Variants in THSD7A observed in about 807,000 individuals in gnomAD.
The protein encoded by THSD7A is thrombospondin type 1 domain containing 7A, also known as thrombospondin type-1 domain-containing protein 7A.
In THSD7A, 96 loss-of-function variants were observed where a neutral mutation model predicts 231.3. That is an observed-to-expected ratio of 0.41 (90% CI 0.35 to 0.49). The LOEUF (loss-of-function observed/expected upper bound fraction) is 0.49, where lower values mean the gene tolerates loss of function less well. THSD7A is among the 20% of genes least tolerant of loss of function. THSD7A has a pLI of 0.05. For missense variants in THSD7A, 2,290 were observed against 2,070.2 expected, an observed-to-expected ratio of 1.11 and a Z score of -2.06; for synonymous variants, 940 against 743.3, an observed-to-expected ratio of 1.26 and a Z score of -4.30.
chr7:11,424,584 G>T, intron 16 of THSD7A, 112 bp downstream of exon 16: 1 of 1,460,048 alleles, frequency 6.8e-7, no homozygotes, highest in Non-Finnish European at 9.3e-7. Context: ...AAGCAAAACT[G>T]CAGACAATTT....
intron 1 of THSD7A, among the ~76,000 whole-genome samples, chr7:11,649,763 A>G (rs1218172238): frequency 6.6e-6 from 1 of 152,090 alleles, no homozygotes; most frequent in African/African-American, 2.4e-5. Flanking sequence ...TCGAAATTAT[A>G]TCCAATTAAC....
At chr7:11,524,784 G>A (rs1788406648) in intron 6 of THSD7A, among the ~76,000 whole-genome samples, 1 of 152,128 alleles carries the variant, frequency 6.6e-6, no homozygotes, top group Non-Finnish European at 1.5e-5. Context: ...GGTAAAAGTG[G>A]AAAGAAATCA....
chr7:11,729,434 T>TA (rs1187944642), intron 1 of THSD7A, among the ~76,000 whole-genome samples: 3 of 151,678 alleles, frequency 2.0e-5, no homozygotes, highest in Non-Finnish European at 1.5e-5. Flanking sequence ...TCCTGGACAA[T>TA]AAATGCAGGA....
At chr7:11,591,656 GGGGATTTGTTGCTTAACGAATTGT>G (rs1223422918) in intron 3 of THSD7A, among the ~76,000 whole-genome samples, 1 of 152,090 alleles carries the variant, frequency 6.6e-6, no homozygotes. Flanking sequence ...TTTTATAAGT[GGGGATTTGTTGCTTAACGAATTGT>G]GGGACTGGGT....
At chr7:11,455,224 G>A (rs1307110615) in intron 11 of THSD7A, among the ~76,000 whole-genome samples, 1 of 151,954 alleles carries the variant, frequency 6.6e-6, no homozygotes, top group Non-Finnish European at 1.5e-5. Context: ...CAAATTGGCT[G>A]GCACCTTGAC....
rs908516470 is a variant in THSD7A, at chr7:11,375,749, G to A, written c.*45C>T. 2 of 1,524,980 alleles carry A rather than the reference G, an allele frequency of 1.3e-6. No individual in the cohort carries two copies. The highest frequency in any genetic ancestry group is 1.8e-6 in the Non-Finnish European group (2 of 1,101,562). 94.5% of individuals were successfully genotyped at this position (1,524,980 alleles called of 1,614,324 possible). On this transcript the variant is annotated 3_prime_UTR_variant, in exon 28 of 28. Coordinates refer to ENST00000423059, the MANE Select transcript of THSD7A (RefSeq NM_015204.3). ...TTTGTTGTGGCCTCTGGACATCTATGAAGTCAGAAAGCCGAAACTGGTTGT... is the reference window on the plus strand; with the variant it reads ...TTTGTTGTGGCCTCTGGACATCTATAAAGTCAGAAAGCCGAAACTGGTTGT...
chr7:11,806,915 A>G (rs1335040666), intron 1 of THSD7A, among the ~76,000 whole-genome samples: 2 of 152,010 alleles, frequency 1.3e-5, no homozygotes, highest in East Asian at 1.9e-4. Context: ...CTCAGACCTC[A>G]AGTATAATTT....
intron 4 of THSD7A, among the ~76,000 whole-genome samples, chr7:11,561,337 A>C (rs1426307489): frequency 1.3e-5 from 2 of 152,204 alleles, no homozygotes; most frequent in East Asian, 3.8e-4. Context: ...ATCACATATC[A>C]AACCTAGTGG....
At chr7:11,416,232 T>A (rs753633388) in intron 17 of THSD7A, among the ~76,000 whole-genome samples, 1 of 152,224 alleles carries the variant, frequency 6.6e-6, no homozygotes, top group African/African-American at 2.4e-5. Context: ...TCCTTGATCA[T>A]TTAATATAGA....
chr7:11,510,816 T>C (rs1787775939), intron 6 of THSD7A, among the ~76,000 whole-genome samples: 1 of 152,070 alleles, frequency 6.6e-6, no homozygotes, highest in Admixed American at 6.5e-5. Flanking sequence ...ACAGCCAATA[T>C]GGGTCTGTCA....
intron 1 of THSD7A, among the ~76,000 whole-genome samples, chr7:11,708,890 C>T (rs1376054860): frequency 6.6e-6 from 1 of 150,616 alleles, no homozygotes; most frequent in Non-Finnish European, 1.5e-5. Context: ...AGACACTGTA[C>T]ATGGGCAAAT....
chr7:11,400,750 T>G (rs368109625), intron 23 of THSD7A, among the ~76,000 whole-genome samples: 4 of 152,220 alleles, frequency 2.6e-5, no homozygotes, highest in African/African-American at 9.6e-5. Flanking sequence ...ACTGCAAGTA[T>G]TCTTTTCCAA....
At chr7:11,780,314 T>A (rs1279012449) in intron 1 of THSD7A, among the ~76,000 whole-genome samples, 1 of 152,226 alleles carries the variant, frequency 6.6e-6, no homozygotes, top group Non-Finnish European at 1.5e-5. Flanking sequence ...CTTCCCACAC[T>A]GAATAAGGCT....
chr7:11,461,979 T>A (rs771320280), intron 10 of THSD7A, 32 bp downstream of exon 10: 2 of 1,606,912 alleles, frequency 1.2e-6, no homozygotes, highest in African/African-American at 1.3e-5. Flanking sequence ...TTTGTTCAGC[T>A]CCTCCCTCAC....
At chr7:11,758,630 A>G (rs2128167246) in intron 1 of THSD7A, among the ~76,000 whole-genome samples, 1 of 152,220 alleles carries the variant, frequency 6.6e-6, no homozygotes, top group Admixed American at 6.6e-5. Context: ...AACTACAGAC[A>G]GAGGGCAAAG....
chr7:11,513,792 T>C (rs1787915873), intron 6 of THSD7A, among the ~76,000 whole-genome samples: 1 of 152,234 alleles, frequency 6.6e-6, no homozygotes, highest in South Asian at 2.1e-4. Context: ...TTATGTTACA[T>C]AAATTTCACC....
chr7:11,700,865 A>T (rs1441620855), intron 1 of THSD7A, among the ~76,000 whole-genome samples: 1 of 151,240 alleles, frequency 6.6e-6, no homozygotes, highest in East Asian at 2.0e-4. Context: ...AAGGCAAAAA[A>T]AATTGTTAAT....
At chr7:11,625,948 C>T (rs1376625424) in intron 2 of THSD7A, among the ~76,000 whole-genome samples, 1 of 152,046 alleles carries the variant, frequency 6.6e-6, no homozygotes, top group Non-Finnish European at 1.5e-5. Flanking sequence ...CCATAGGAAA[C>T]TTGCTCTCAC....
At chr7:11,532,166 A>G (rs1218074941) in intron 6 of THSD7A, among the ~76,000 whole-genome samples, 3 of 152,052 alleles carry the variant, frequency 2.0e-5, no homozygotes, top group African/African-American at 7.2e-5. Context: ...AGGCACCTTC[A>G]TTGACATCAG....
Sources: allele counts gnomAD v4.1 joint callset (sites outside exome capture counted in the v4.1 genomes callset), GRCh38; gene constraint gnomAD v4.1.1; transcripts MANE v1.5; gene names NCBI Gene and HGNC (gene_info 2026-07-23, HGNC 2026-07-21).